Variants in NPAS3 observed in about 807,000 individuals in gnomAD.
NPAS3 encodes the protein neuronal PAS domain-containing protein 3.
Under a neutral mutation model 73.1 loss-of-function variants are expected in NPAS3, and 14 were observed. That is an observed-to-expected ratio of 0.19 (90% CI 0.13 to 0.30). NPAS3 has a LOEUF of 0.30. NPAS3 is among the 10% of genes least tolerant of loss of function. The pLI, the probability that NPAS3 is intolerant of heterozygous loss-of-function variation, is 1.00. For synonymous variants in NPAS3, 620 were observed against 541.5 expected (o/e 1.14, Z -2.01); for missense variants, 1,096 against 1,250.0 (o/e 0.88, Z 1.86).
At chr14:33,054,894 G>A (rs2040833807) in intron 1 of NPAS3, among the ~76,000 whole-genome samples, 1 of 152,112 alleles carries the variant, frequency 6.6e-6, no homozygotes, top group African/African-American at 2.4e-5. Flanking sequence ...TTACAGGCGT[G>A]AGCCACCGCA....
intron 4 of NPAS3, among the ~76,000 whole-genome samples, chr14:33,524,722 G>T (rs1238625988): frequency 3.9e-5 from 6 of 152,098 alleles, no homozygotes; most frequent in Admixed American, 3.3e-4. Flanking sequence ...GTGCTGGCAG[G>T]GTTGGTTCCT....
chr14:33,580,010 C>A (rs1595199565), intron 5 of NPAS3, among the ~76,000 whole-genome samples: 1 of 152,158 alleles, frequency 6.6e-6, no homozygotes, highest in Non-Finnish European at 1.5e-5. Flanking sequence ...GTTTTATAGA[C>A]AAGCCATTTT....
intron 1 of NPAS3, among the ~76,000 whole-genome samples, chr14:32,940,542 G>A (rs1180483071): frequency 6.6e-6 from 1 of 152,160 alleles, no homozygotes; most frequent in Non-Finnish European, 1.5e-5. Flanking sequence ...AGTATGAAAC[G>A]TCACCCACTG....
At chr14:33,039,625 C>T (rs1397063998) in intron 1 of NPAS3, among the ~76,000 whole-genome samples, 1 of 152,200 alleles carries the variant, frequency 6.6e-6, no homozygotes, top group Non-Finnish European at 1.5e-5. Context: ...TTGCTTTGAA[C>T]AGTCTGGGTC....
chr14:32,937,082 T>TGTTA (rs1817654577), upstream of NPAS3, among the ~76,000 whole-genome samples: 1 of 151,974 alleles, frequency 6.6e-6, no homozygotes, highest in African/African-American at 2.4e-5. Flanking sequence ...TGATGACACC[T>TGTTA]GTTACTGTCT....
chr14:33,504,875 C>G (rs1273557177), intron 4 of NPAS3, among the ~76,000 whole-genome samples: 1 of 151,960 alleles, frequency 6.6e-6, no homozygotes, highest in African/African-American at 2.4e-5. Context: ...CCCAGTAACC[C>G]AGACTTGGAA....
At chr14:33,307,713 A>G (rs773552148) in intron 3 of NPAS3, among the ~76,000 whole-genome samples, 2 of 151,400 alleles carry the variant, frequency 1.3e-5, no homozygotes, top group African/African-American at 2.4e-5. Context: ...GTGGTCGGAG[A>G]TGATAGAAGC....
At chr14:33,266,439 A>G (rs1203170128) in intron 3 of NPAS3, among the ~76,000 whole-genome samples, 1 of 152,176 alleles carries the variant, frequency 6.6e-6, no homozygotes, top group Non-Finnish European at 1.5e-5. Context: ...ATCAATGAGA[A>G]TCCTTACCTC....
intron 6 of NPAS3, among the ~76,000 whole-genome samples, chr14:33,681,322 T>C (rs2059931540): frequency 6.6e-6 from 1 of 151,698 alleles, no homozygotes; most frequent in Non-Finnish European, 1.5e-5. Context: ...TGGGTCAAGA[T>C]TTCTATCAAT....
chr14:33,755,500 G>C (rs2062087983), intron 7 of NPAS3, among the ~76,000 whole-genome samples: 2 of 152,152 alleles, frequency 1.3e-5, no homozygotes, highest in African/African-American at 4.8e-5. Context: ...TCCCTGCCGT[G>C]GGGTCTGTGA....
downstream of NPAS3, chr14:33,802,376 T>TAAAAAAAAAAAAAAGA (rs2063733396): frequency 7.3e-5 from 7 of 95,728 alleles, no homozygotes; most frequent in Admixed American, 1.2e-4. Flanking sequence ...GCACATTAAG[T>TAAAAAAAAAAAAAAGA]AAAAAAAAAA....
At chr14:33,540,066 T>C (rs1444457060) in intron 4 of NPAS3, among the ~76,000 whole-genome samples, 1 of 152,052 alleles carries the variant, frequency 6.6e-6, no homozygotes, top group African/African-American at 2.4e-5. Context: ...TGTGTTTGCT[T>C]ACAAATAAAC....
At chr14:32,950,611 G>A (rs1488087563) in intron 1 of NPAS3, among the ~76,000 whole-genome samples, 3 of 152,088 alleles carry the variant, frequency 2.0e-5, no homozygotes, top group African/African-American at 7.2e-5. Context: ...TACTAGCAAG[G>A]TACAACAATC....
intron 1 of NPAS3, among the ~76,000 whole-genome samples, chr14:32,983,244 C>A (rs748871726): frequency 6.6e-6 from 1 of 152,098 alleles, no homozygotes; most frequent in Non-Finnish European, 1.5e-5. Flanking sequence ...GTTTACATCC[C>A]TGAAAAATAT....
intron 2 of NPAS3, among the ~76,000 whole-genome samples, chr14:33,114,508 C>T (rs183653348): frequency 6.6e-6 from 1 of 152,098 alleles, no homozygotes; most frequent in South Asian, 2.1e-4. Context: ...TTATGAGAGA[C>T]TTGGGTATTT....
chr14:33,592,029 A>G (rs1175934789), intron 5 of NPAS3, among the ~76,000 whole-genome samples: 1 of 152,182 alleles, frequency 6.6e-6, no homozygotes, highest in Non-Finnish European at 1.5e-5. Flanking sequence ...TAGTTTTTAC[A>G]CAGAAAAGTG....
intron 3 of NPAS3, among the ~76,000 whole-genome samples, chr14:33,304,502 C>A (rs1312284811): frequency 1.3e-5 from 2 of 151,144 alleles, no homozygotes; most frequent in Admixed American, 1.3e-4. Context: ...ATCTAGTAGC[C>A]TGGAGTTTTA....
intron 5 of NPAS3, among the ~76,000 whole-genome samples, chr14:33,636,612 G>C (rs575467082): frequency 6.6e-6 from 1 of 152,260 alleles, no homozygotes; most frequent in African/African-American, 2.4e-5. Flanking sequence ...TAAATCTTGA[G>C]AATCAGGCAG....
intron 3 of NPAS3, among the ~76,000 whole-genome samples, chr14:33,303,793 A>AGG (rs2042647483): frequency 6.6e-6 from 1 of 152,040 alleles, no homozygotes. Context: ...TGCTGAATAA[A>AGG]AAGAAAATAA....
Sources: gnomAD v4.1 joint callset for allele counts (sites outside exome capture counted in the v4.1 genomes callset) on GRCh38, gnomAD v4.1.1 for gene constraint, MANE v1.5 for transcripts, NCBI Gene and HGNC (gene_info 2026-07-23, HGNC 2026-07-21) for gene names.